DDX42: variants seen among roughly 807,000 people sequenced by gnomAD.
The protein encoded by DDX42 is DEAD-box helicase 42.
In DDX42, 22 loss-of-function variants were observed where a neutral mutation model predicts 101.5. That is an observed-to-expected ratio of 0.22 (90% CI 0.15 to 0.31). The LOEUF (loss-of-function observed/expected upper bound fraction) is 0.31, where lower values mean the gene tolerates loss of function less well. Ranked by LOEUF, DDX42 falls within the 10% of genes least tolerant of loss-of-function variation. DDX42 has a pLI of 1.00. For missense variants in DDX42, 849 were observed against 1,199.9 expected, an observed-to-expected ratio of 0.71 and a Z score of 4.32; for synonymous variants, 402 against 401.2, an observed-to-expected ratio of 1.00 and a Z score of -0.02.
In DDX42 at chr17:63,817,741, G is replaced by A; in HGVS notation, c.2160G>A (p.Lys720=). The A allele has an allele frequency of 6.2e-7, 1 of 1,614,246 alleles. No homozygotes were observed. The highest frequency in any genetic ancestry group is 8.5e-7 in the Non-Finnish European group (1 of 1,180,052). Residue 720 remains lysine (K), a synonymous_variant, in exon 18 of 18, where the codon AAG becomes AAA. Transcript: ENST00000389924. The part of the protein sequence containing the change: ...HFVAASLSNQ[K]AGSSAAGASG... ...TTGCAGCCAGTTTAAGTAATCAGAA[G>A]GCTGGAAGTTCTGCTGCTGGGGCAA...
In DDX42 at chr17:63,806,629, C is replaced by A; in HGVS notation, c.821C>A (p.Thr274Lys). The stretch of plus-strand genomic sequence containing the variant: ...CACCAGATTCGGAAATCTGAATACA[C>A]ACAGCCCACTCCAATACAGTGCCAG... ...LMHQIRKSEY[T>K]QPTPIQCQGV... Residue 274 changes from threonine (T) to lysine (K), a missense_variant, in exon 8 of 18, where the codon ACA (threonine) becomes AAA (lysine). Transcript: ENST00000389924. 1 of 1,613,414 alleles carries A rather than the reference C, an allele frequency of 6.2e-7. No individual in the cohort carries two copies. Among genetic ancestry groups the A allele is most frequent in the Non-Finnish European group, 8.5e-7 (1 of 1,179,794 alleles).
Position 63,809,770 on chromosome 17 carries a change from A to G in DDX42, c.1252+111A>G, listed in dbSNP as rs984418617. ...TGAGAGAAGCTAAAAATACTCCTGG[A>G]TGGGGTTAGACTATAGAAATATAGC... On this transcript the variant is annotated intron_variant, in intron 11 of 17. Coordinates refer to ENST00000389924, the MANE Select transcript of DDX42 (RefSeq NM_203499.3). The G allele has an allele frequency of 7.4e-6, 6 of 807,070 alleles. No individual in the cohort carries two copies. In the African/African-American group the frequency reaches 1.0e-4, roughly 14 times the overall value. The allele number at this position is 807,070 out of a possible 1,614,324, so 50.0% of individuals were successfully genotyped here.
At chr17:63,813,529 CAT>C in intron 15 of DDX42, 75 bp downstream of exon 15, 1 of 1,379,700 alleles carries the variant, frequency 7.2e-7, no homozygotes, top group East Asian at 2.3e-5. Flanking sequence ...GAACAGATAA[CAT>C]AAAAACTTGA....
At chr17:63,812,299 G>A (rs1288750610) in intron 14 of DDX42, 91 bp downstream of exon 14, 21 of 1,478,014 alleles carry the variant, frequency 1.4e-5, no homozygotes, top group Non-Finnish European at 1.1e-5. Flanking sequence ...TGAGCAGGCT[G>A]ATGGAAAGAC....
rs533266999 is a variant in DDX42 at position 63,778,005 on chromosome 17, G to A, written c.-17+3629G>A. Among the ~76,000 whole-genome samples, 31 of 152,306 alleles carry A rather than the reference G, an allele frequency of 2.0e-4. No individual in the cohort carries two copies. In the South Asian group the frequency reaches 2.3e-3, roughly 11 times the overall value. Reference sequence around the variant, plus strand: ...ACAATGGAGGGTCTCATTCCAGCATGATTAACTGTGGAGAGCTATGGAATT... The same window carrying A: ...ACAATGGAGGGTCTCATTCCAGCATAATTAACTGTGGAGAGCTATGGAATT... On this transcript the variant is annotated intron_variant, in intron 1 of 17. Transcript: ENST00000389924.
chr17:63,810,424 C>G (rs2039895903), intron 11 of DDX42, 89 bp from the exon 12 acceptor site: 2 of 1,385,266 alleles, frequency 1.4e-6, no homozygotes, highest in East Asian at 4.7e-5. Context: ...CTTACAACTT[C>G]TTATGAAGAC....
chr17:63,776,177 A>G (rs956496098), intron 1 of DDX42: 2 of 152,224 alleles, frequency 1.3e-5, no homozygotes, highest in African/African-American at 4.8e-5. Context: ...TTTTTAGTCC[A>G]CTATATTTAA....
intron 1 of DDX42, among the ~76,000 whole-genome samples, chr17:63,780,164 C>T (rs1489970422): frequency 6.6e-6 from 1 of 152,082 alleles, no homozygotes. Flanking sequence ...GGCGTGGTGG[C>T]ACATGCCTGT....
chr17:63,807,076 AG>A (rs2039850902), intron 8 of DDX42, among the ~76,000 whole-genome samples: 1 of 152,294 alleles, frequency 6.6e-6, no homozygotes, highest in South Asian at 2.1e-4. Context: ...TACCTTCTTA[AG>A]GGGGGAAAAT....
At chr17:63,778,899 A>G (rs1208780985) in intron 1 of DDX42, among the ~76,000 whole-genome samples, 1 of 152,148 alleles carries the variant, frequency 6.6e-6, no homozygotes. Context: ...TCGGCCTCCC[A>G]ATAATCAGAA....
intron 1 of DDX42, among the ~76,000 whole-genome samples, chr17:63,778,657 T>C (rs949710981): frequency 2.6e-5 from 4 of 152,000 alleles, no homozygotes; most frequent in Admixed American, 1.3e-4. Flanking sequence ...TTTTTTTTTT[T>C]TAAGACAGCA....
In DDX42 at chr17:63,817,615, C is replaced by T. The variant is rs191998589; in HGVS notation, c.2113-79C>T. 5.7e-4 allele frequency: 804 copies of T among 1,400,514 alleles called. 6 individuals are homozygous for T. In the African/African-American group the frequency reaches 9.6e-3, roughly 17 times the overall value. The allele number at this position is 1,400,514 out of a possible 1,614,324, so 86.8% of individuals were successfully genotyped here. A position where few individuals can be genotyped will look rare whatever the true frequency, so the allele number is the denominator to read the frequency against. On this transcript the variant is annotated intron_variant, in intron 17 of 17. Transcript: ENST00000389924. The stretch of plus-strand genomic sequence containing the variant: ...AGGATAGCACAGAGTTTCTGTAAAC[C>T]TCATCATTTGCCAAGTTGTATATTC...
intron 17 of DDX42, chr17:63,817,396 A>G (rs1018368390): frequency 6.0e-6 from 2 of 333,486 alleles, no homozygotes; most frequent in African/African-American, 4.2e-5. Flanking sequence ...TTAAGTTTTC[A>G]GAACTTTTTG....
chr17:63,776,645 T>TTTTTTG (rs2039424745), intron 1 of DDX42, among the ~76,000 whole-genome samples: 1 of 151,862 alleles, frequency 6.6e-6, no homozygotes, highest in Non-Finnish European at 1.5e-5. Flanking sequence ...TTTTTTTTTT[T>TTTTTTG]TTTTGAGATG....
chr17:63,792,112 C>G (rs2039635967), intron 2 of DDX42, among the ~76,000 whole-genome samples: 1 of 151,406 alleles, frequency 6.6e-6, no homozygotes, highest in South Asian at 2.1e-4. Flanking sequence ...ATTTATCTAA[C>G]AATGGTCAGT....
intron 1 of DDX42, among the ~76,000 whole-genome samples, chr17:63,783,048 T>G (rs540511351): frequency 1.3e-5 from 2 of 152,344 alleles, no homozygotes; most frequent in Non-Finnish European, 2.9e-5. Flanking sequence ...CTCTTTGATC[T>G]AATGCCTCTT....
In DDX42 at chr17:63,778,002, C is replaced by T. The variant is rs138984579; in HGVS notation, c.-17+3626C>T. Reference sequence around the variant, plus strand: ...GCCACAATGGAGGGTCTCATTCCAGCATGATTAACTGTGGAGAGCTATGGA... The same window carrying T: ...GCCACAATGGAGGGTCTCATTCCAGTATGATTAACTGTGGAGAGCTATGGA... On this transcript the variant is annotated intron_variant, in intron 1 of 17. Transcript: ENST00000389924. Among the ~76,000 whole-genome samples the T allele has an allele frequency of 3.0e-3, 462 of 152,166 alleles. 6 individuals carry two copies. Among genetic ancestry groups the T allele is most frequent in the African/African-American group, 0.011 (450 of 41,496 alleles).
chr17:63,774,283 C>A lies in DDX42; in HGVS notation c.-110C>A, dbSNP rs1024996778. The A allele has an allele frequency of 6.9e-6, 2 of 289,212 alleles. No individual in the cohort carries two copies. Among genetic ancestry groups the A allele is most frequent in the Non-Finnish European group, 1.3e-5 (2 of 157,398 alleles). The allele number at this position is 289,212 out of a possible 1,614,324, so 17.9% of individuals were successfully genotyped here. On this transcript the variant is annotated 5_prime_UTR_variant, in exon 1 of 18. Transcript: ENST00000389924. ...CGAAGGGGGCGGAGAGGAAGGAGCG[C>A]GGCGGGACCGGGCCGGGACAGCGCG...
At position 63,818,292 on chromosome 17, in the gene DDX42, T is replaced by C; in HGVS notation, c.2711T>C (p.Val904Ala). Reference protein sequence around the residue: ...SKMEPKMEPKVDSSKMDKVDS... With the variant: ...SKMEPKMEPKADSSKMDKVDS... Reference sequence around the variant, plus strand: ...ATGGAGCCCAAGATGGAACCCAAAGTGGACAGCAGCAAGATGGACAAGGTG... The same window carrying C: ...ATGGAGCCCAAGATGGAACCCAAAGCGGACAGCAGCAAGATGGACAAGGTG... Residue 904 changes from valine (V) to alanine (A), a missense_variant, in exon 18 of 18, where the codon GTG (valine) becomes GCG (alanine). By Grantham distance (64) the Val-to-Ala change is moderately conservative. This residue lies in a region of DDX42 where 300 missense variants were observed against 304.9 expected (regional missense o/e 0.98). Transcript: ENST00000389924. 1 of 1,613,838 alleles carries C rather than the reference T, an allele frequency of 6.2e-7. No individual in the cohort carries two copies. The highest frequency in any genetic ancestry group is 8.5e-7 in the Non-Finnish European group (1 of 1,179,898).
Sources: gnomAD v4.1 joint callset for allele counts (sites outside exome capture counted in the v4.1 genomes callset) on GRCh38, gnomAD v4.1.1 for gene constraint, gnomAD v4.1.1 regional missense constraint, MANE v1.5 for transcripts, NCBI Gene and HGNC (gene_info 2026-07-23, HGNC 2026-07-21) for gene names.